LONP1: variants seen among roughly 807,000 people sequenced by gnomAD.
LONP1 encodes lon peptidase 1, mitochondrial, also known as lon protease homolog, mitochondrial.
In LONP1, 31 loss-of-function variants were observed where a neutral mutation model predicts 98.5. That is an observed-to-expected ratio of 0.31 (90% CI 0.24 to 0.42). LONP1 has a LOEUF of 0.42. LONP1 is among the 20% of genes least tolerant of loss of function. The probability of loss-of-function intolerance (pLI) is 1.00; values close to 1 mark genes in which losing one functional copy is unlikely to be tolerated. For synonymous variants in LONP1, 781 were observed against 594.7 expected, an observed-to-expected ratio of 1.31 and a Z score of -4.56; for missense variants, 1,336 against 1,350.6, an observed-to-expected ratio of 0.99 and a Z score of 0.17.
intron 9 of LONP1, among the ~76,000 whole-genome samples, chr19:5,699,779 C>T (rs575182483): frequency 2.1e-4 from 32 of 151,396 alleles, no homozygotes; most frequent in African/African-American, 5.1e-4. Flanking sequence ...AGGCTGGTCT[C>T]GAACTCCTGA....
chr19:5,696,246 C>T lies in LONP1; in HGVS notation c.1896+3G>A, dbSNP rs371793819. On this transcript the variant is annotated splice_donor_region_variant and intron_variant, in intron 12 of 17. Coordinates refer to ENST00000360614, the MANE Select transcript of LONP1 (RefSeq NM_004793.4). ...AAGCCCAGGCCCCAGACAGGCCCCC[C>T]ACCTTGGACAAGTCCACGGGCACGT... 1.5e-4 allele frequency: 242 copies of T among 1,613,200 alleles called. 1 individual carries two copies. The African/African-American group carries it at 2.9e-3, about 19-fold the overall frequency.
intron 17 of LONP1, 81 bp from the exon 18 acceptor site, chr19:5,692,289 T>G: frequency 7.1e-7 from 1 of 1,400,664 alleles, no homozygotes; most frequent in Non-Finnish European, 9.8e-7. Context: ...CGAAAGGGCT[T>G]CCTGGGGACC....
chr19:5,693,674 G>T lies in LONP1; in HGVS notation c.2416C>A (p.Leu806Met). ...GCGCTCTCCTTCATCACCTCCCCCAGCTGGCCTGTCACCTCCAGGCTGCCA... is the reference window on the plus strand; with the variant it reads ...GCGCTCTCCTTCATCACCTCCCCCATCTGGCCTGTCACCTCCAGGCTGCCA... ...KDGSLEVTGQ[L>M]GEVMKESARI... The change falls in exon 16 of 18, where the codon CTG (leucine) becomes ATG (methionine). Residue 806 changes from leucine to methionine, a missense_variant. Around this residue, in one of 5 missense-constraint regions of LONP1, gnomAD observed 555 missense variants for 542.6 expected, o/e 1.02. Coordinates refer to ENST00000360614, the MANE Select transcript of LONP1 (RefSeq NM_004793.4). 1 of 1,614,140 alleles carries T rather than the reference G, an allele frequency of 6.2e-7. No individual in the cohort carries two copies. The highest frequency in any genetic ancestry group is 1.1e-5 in the South Asian group (1 of 91,084).
intron 7 of LONP1, among the ~76,000 whole-genome samples, chr19:5,706,227 C>T (rs2055143374): frequency 2.6e-5 from 4 of 152,122 alleles, no homozygotes; most frequent in Admixed American, 2.6e-4. Context: ...GCCTCCACCT[C>T]CTGGGCTCAA....
chr19:5,692,356 C>T (rs907669681), intron 17 of LONP1, 148 bp from the exon 18 acceptor site: 6 of 685,382 alleles, frequency 8.8e-6, no homozygotes, highest in Non-Finnish European at 6.9e-6. Flanking sequence ...CACCAGGGTC[C>T]CCGTCTCCCA....
upstream of LONP1, chr19:5,720,233 G>T: frequency 7.3e-7 from 1 of 1,368,828 alleles, no homozygotes; most frequent in Non-Finnish European, 9.4e-7. Flanking sequence ...TGGGCGCGTG[G>T]CTCGAAACAG....
At chr19:5,698,993 G>C (rs902125882) in intron 10 of LONP1, 34 bp downstream of exon 10, 1 of 1,574,046 alleles carries the variant, frequency 6.4e-7, no homozygotes, top group Non-Finnish European at 8.7e-7. Flanking sequence ...CAGCTGAGGG[G>C]AGTGCGTGGG....
In LONP1 at chr19:5,693,900, G is replaced by A. The variant is rs1018521882; in HGVS notation, c.2321-131C>T. On this transcript the variant is annotated intron_variant, in intron 15 of 17. Transcript: ENST00000360614. ...TTGGTGCCCCTGGGCAGGGGTTGGT[G>A]TCCCATCGTGAGCCAACGCTGGCCT... is the stretch of plus-strand genomic sequence containing the variant. The A allele has an allele frequency of 5.1e-5, 39 of 762,950 alleles. No individual in the cohort carries two copies. The Admixed American group carries it at 6.2e-4, about 12-fold the overall frequency. 47.3% of individuals were successfully genotyped at this position (762,950 alleles called of 1,614,324 possible). A position where few individuals can be genotyped will look rare whatever the true frequency, so the allele number is the denominator to read the frequency against.
At chr19:5,710,543 G>A (rs2055221076) in intron 4 of LONP1, among the ~76,000 whole-genome samples, 1 of 151,944 alleles carries the variant, frequency 6.6e-6, no homozygotes, top group Admixed American at 6.6e-5. Flanking sequence ...ACCATGCCCA[G>A]GGATTTTATT....
At chr19:5,708,468 G>GGGGGGCC in intron 4 of LONP1, 65 bp from the exon 5 acceptor site, 2 of 551,254 alleles carry the variant, frequency 3.6e-6, no homozygotes, top group Non-Finnish European at 3.4e-6. Flanking sequence ...GGCTGGGTGG[G>GGGGGGCC]AGCATGGCCC....
chr19:5,699,316 G>A (rs2054999446), intron 9 of LONP1, 111 bp from the exon 10 acceptor site: 2 of 869,218 alleles, frequency 2.3e-6, no homozygotes, highest in Admixed American at 3.5e-5. Context: ...CTGCGAGAAG[G>A]GACCAGGATT....
intron 17 of LONP1, 22 bp from the exon 18 acceptor site, chr19:5,692,230 GC>G: frequency 6.3e-7 from 1 of 1,597,734 alleles, no homozygotes; most frequent in South Asian, 1.1e-5. Flanking sequence ...GTCAGGGTCA[GC>G]CCTGCCTGGG....
At position 5,699,023 on chromosome 19, in the gene LONP1, C is replaced by T; in HGVS notation, c.1685+4G>A. 1.9e-6 allele frequency: 3 copies of T among 1,602,902 alleles called. No individual in the cohort carries two copies. Among genetic ancestry groups the T allele is most frequent in the Non-Finnish European group, 2.6e-6 (3 of 1,173,546 alleles). On this transcript the variant is annotated splice_donor_region_variant and intron_variant, in intron 10 of 17. Transcript: ENST00000360614. The stretch of plus-strand genomic sequence containing the variant: ...CGTGGGGAGAGCTGTCAGGCCAGGC[C>T]TACCTGTGGCCCTTGATCTCAGCCA...
At chr19:5,708,459 GC>G in intron 4 of LONP1, 56 bp from the exon 5 acceptor site, 1 of 1,257,028 alleles carries the variant, frequency 8.0e-7, no homozygotes, top group Non-Finnish European at 1.1e-6. Context: ...CAGGGGGTGG[GC>G]TGGGTGGGAG....
At chr19:5,713,354 C>T (rs538026955) in intron 2 of LONP1, 101 bp from the exon 3 acceptor site, 6 of 1,426,906 alleles carry the variant, frequency 4.2e-6, no homozygotes, top group Non-Finnish European at 5.9e-6. Flanking sequence ...AACGCCCCTA[C>T]CAAATGCTAC....
chr19:5,710,842 A>G lies in LONP1; in HGVS notation c.870+929T>C, dbSNP rs1480854461. On this transcript the variant is annotated intron_variant, in intron 4 of 17. Transcript: ENST00000360614. ...GGAGTTTGAGACTAGCCCGGCCAACATGGTAAAACCTCGTCTCTACTAAAA... is the reference window on the plus strand; with the variant it reads ...GGAGTTTGAGACTAGCCCGGCCAACGTGGTAAAACCTCGTCTCTACTAAAA... Among the ~76,000 whole-genome samples the G allele has an allele frequency of 5.3e-5, 8 of 152,088 alleles. No homozygotes were observed. The East Asian group carries it at 1.5e-3, about 29-fold the overall frequency.
In LONP1 at chr19:5,692,145, GGTCGTAGAA is replaced by G; in HGVS notation, c.2758_2766del (p.Phe920_Asp922del). On this transcript the variant is annotated inframe_deletion, in exon 18 of 18. Coordinates refer to ENST00000360614, the MANE Select transcript of LONP1 (RefSeq NM_004793.4). ...AGGCCCTCGGTGATGAAGGCTGCCAGGTCGTAGAAGTCCTTCTTGTTCTCGGCTGGCAGG... is the reference window on the plus strand; with the variant it reads ...AGGCCCTCGGTGATGAAGGCTGCCAGGTCCTTCTTGTTCTCGGCTGGCAGG... 6.2e-7 allele frequency: 1 copy of G among 1,614,154 alleles called. No homozygotes were observed. Among genetic ancestry groups the G allele is most frequent in the Non-Finnish European group, 8.5e-7 (1 of 1,180,000 alleles).
chr19:5,693,635 T>C lies in LONP1; in HGVS notation c.2455A>G (p.Thr819Ala). The C allele has an allele frequency of 6.2e-7, 1 of 1,613,876 alleles. No homozygotes were observed. The highest frequency in any genetic ancestry group is 1.1e-5 in the South Asian group (1 of 91,078). ...VMKESARIAYTFARAFLMQHA... is the reference protein window; with the variant it reads ...VMKESARIAYAFARAFLMQHA... ...TGCATGAGGAAGGCTCTGGCGAAGG[T>C]GTAGGCTATGCGGGCGCTCTCCTTC... Residue 819 changes from threonine to alanine, a missense_variant, in exon 16 of 18, where the codon ACC becomes GCC. Thr to Ala is a moderately conservative substitution (Grantham distance 58, BLOSUM62 0). This residue lies in a region of LONP1 where 555 missense variants were observed against 542.6 expected (regional missense o/e 1.02). Transcript: ENST00000360614.
In LONP1 at chr19:5,692,115, C is replaced by T. The variant is rs2054835056; in HGVS notation, c.2797G>A (p.Val933Met). The T allele has an allele frequency of 2.5e-6, 4 of 1,606,058 alleles. No individual in the cohort carries two copies. The highest frequency in any genetic ancestry group is 3.4e-6 in the Non-Finnish European group (4 of 1,174,974). Reference protein sequence around the residue: ...LAAFITEGLEVHFVEHYREIF... With the variant: ...LAAFITEGLEMHFVEHYREIF... ...TCCCGGTAGTGTTCCACGAAGTGCA[C>T]CTCCAGGCCCTCGGTGATGAAGGCT... The change falls in exon 18 of 18, where the codon GTG becomes ATG. Residue 933 changes from valine to methionine, a missense_variant. By Grantham distance (21) the Val-to-Met change is conservative. Transcript: ENST00000360614.
Sources: gnomAD v4.1 joint callset for allele counts (sites outside exome capture counted in the v4.1 genomes callset) on GRCh38, gnomAD v4.1.1 for gene constraint, gnomAD v4.1.1 regional missense constraint, MANE v1.5 for transcripts, NCBI Gene and HGNC (gene_info 2026-07-23, HGNC 2026-07-21) for gene names.